Variants in EPC2 observed in about 807,000 individuals in gnomAD.
The protein encoded by EPC2 is enhancer of polycomb homolog 2.
EPC2 carries 14 observed loss-of-function variants against 92.1 expected under a neutral mutation model. The observed-to-expected ratio is 0.15, with a 90% CI of 0.10 to 0.24. The LOEUF (loss-of-function observed/expected upper bound fraction) is 0.24, where lower values mean the gene tolerates loss of function less well. EPC2 is among the 10% of genes least tolerant of loss of function. The probability of loss-of-function intolerance (pLI) is 1.00; values close to 1 mark genes in which losing one functional copy is unlikely to be tolerated. For synonymous variants in EPC2, 340 were observed against 334.7 expected (o/e 1.02, Z -0.17); for missense variants, 755 against 971.5 (o/e 0.78, Z 2.96).
intron 2 of EPC2, among the ~76,000 whole-genome samples, chr2:148,731,958 T>C (rs1682640642): frequency 6.6e-6 from 1 of 152,226 alleles, no homozygotes; most frequent in African/African-American, 2.4e-5. Flanking sequence ...AGTACTGAGC[T>C]CATTGTTCAT....
intron 2 of EPC2, among the ~76,000 whole-genome samples, chr2:148,709,346 G>A (rs1313067704): frequency 6.6e-6 from 1 of 152,088 alleles, no homozygotes; most frequent in African/African-American, 2.4e-5. Context: ...AATAAAAGAG[G>A]ACACAAACAA....
chr2:148,657,673 A>C (rs1457202045), intron 1 of EPC2, among the ~76,000 whole-genome samples: 3 of 151,990 alleles, frequency 2.0e-5, no homozygotes, highest in Non-Finnish European at 2.9e-5. Context: ...AAGTACACTT[A>C]AAAGCTTTAT....
intron 1 of EPC2, among the ~76,000 whole-genome samples, chr2:148,679,856 C>T (rs1681359063): frequency 6.6e-6 from 1 of 152,104 alleles, no homozygotes. Flanking sequence ...CCATGTTGCC[C>T]AGGGTGGTCT....
intron 10 of EPC2, among the ~76,000 whole-genome samples, chr2:148,775,658 A>AAATAAAATTAAATTAAATTTAATTT (rs1553450998): frequency 1.4e-5 from 2 of 138,594 alleles, no homozygotes; most frequent in Non-Finnish European, 3.1e-5. Context: ...TCTTTAAATA[A>AAATAAAATTAAATTAAATTTAATTT]AATTAAATAA....
intron 2 of EPC2, among the ~76,000 whole-genome samples, chr2:148,706,555 C>G (rs1682004583): frequency 6.6e-6 from 1 of 152,074 alleles, no homozygotes; most frequent in Non-Finnish European, 1.5e-5. Flanking sequence ...TCAGATTCAC[C>G]AAGGTTGAAA....
chr2:148,771,891 C>T (rs191464545), intron 10 of EPC2, among the ~76,000 whole-genome samples: 37 of 151,970 alleles, frequency 2.4e-4, no homozygotes, highest in Non-Finnish European at 4.6e-4. Context: ...CTCTGCCTCC[C>T]GGGTTCAAGC....
At chr2:148,763,614 G>C (rs1426020700) in intron 6 of EPC2, among the ~76,000 whole-genome samples, 1 of 152,106 alleles carries the variant, frequency 6.6e-6, no homozygotes, top group African/African-American at 2.4e-5. Flanking sequence ...ATTCTTAAAG[G>C]TCAAGAAAGA....
At chr2:148,763,543 A>G (rs1206723145) in intron 6 of EPC2, among the ~76,000 whole-genome samples, 1 of 152,200 alleles carries the variant, frequency 6.6e-6, no homozygotes, top group Admixed American at 6.5e-5. Context: ...TAAATGACCT[A>G]GGGTGTTTGT....
chr2:148,769,348 T>A, intron 8 of EPC2, 108 bp downstream of exon 8: 1 of 747,420 alleles, frequency 1.3e-6, no homozygotes, highest in East Asian at 2.7e-5. Context: ...ATCAGTACTT[T>A]TTATTTAACA....
intron 11 of EPC2, among the ~76,000 whole-genome samples, 175 bp from the exon 12 acceptor site, chr2:148,783,422 C>T (rs543721046): frequency 2.6e-5 from 4 of 152,208 alleles, no homozygotes; most frequent in East Asian, 1.9e-4. Flanking sequence ...AGTTTTTGTT[C>T]GTTTCCCTGC....
At chr2:148,782,354 T>C (rs1277978972) in intron 11 of EPC2, among the ~76,000 whole-genome samples, 1 of 152,046 alleles carries the variant, frequency 6.6e-6, no homozygotes, top group Non-Finnish European at 1.5e-5. Context: ...CTGGTCAACG[T>C]GGCAAAACCC....
At chr2:148,755,110 T>C (rs1246949734) in intron 4 of EPC2, among the ~76,000 whole-genome samples, 1 of 152,162 alleles carries the variant, frequency 6.6e-6, no homozygotes, top group African/African-American at 2.4e-5. Context: ...AAAAACTCTC[T>C]TCCTGGTTAA....
intron 2 of EPC2, among the ~76,000 whole-genome samples, chr2:148,726,584 C>T (rs192654208): frequency 1.6e-4 from 24 of 151,520 alleles, no homozygotes; most frequent in African/African-American, 4.4e-4. Flanking sequence ...TTTTGTATGC[C>T]GGCCATTTGT....
At chr2:148,666,142 A>T (rs1681052164) in intron 1 of EPC2, among the ~76,000 whole-genome samples, 1 of 152,002 alleles carries the variant, frequency 6.6e-6, no homozygotes, top group Non-Finnish European at 1.5e-5. Flanking sequence ...TGTTGTTTTT[A>T]TTTTTATTTT....
At chr2:148,656,038 G>GGGTT (rs1680791156) in intron 1 of EPC2, among the ~76,000 whole-genome samples, 1 of 62,994 alleles carries the variant, frequency 1.6e-5, no homozygotes, top group Non-Finnish European at 3.0e-5. Context: ...GGGGGGGGGG[G>GGGTT]TTATTCTAGA....
At chr2:148,716,748 G>A (rs1682270226) in intron 2 of EPC2, among the ~76,000 whole-genome samples, 1 of 152,118 alleles carries the variant, frequency 6.6e-6, no homozygotes, top group South Asian at 2.1e-4. Flanking sequence ...GATGATGCAG[G>A]CCTTATGGAA....
At chr2:148,648,414 A>C (rs147801523) in intron 1 of EPC2, among the ~76,000 whole-genome samples, 82 of 152,338 alleles carry the variant, frequency 5.4e-4, no homozygotes, top group Non-Finnish European at 1.0e-3. Flanking sequence ...ACATTTCACA[A>C]ATGTTTTGTG....
chr2:148,745,955 C>T (rs1682977775), intron 3 of EPC2, among the ~76,000 whole-genome samples: 1 of 152,042 alleles, frequency 6.6e-6, no homozygotes. Flanking sequence ...TATTTTCAGT[C>T]CCAATCTGTT....
Position 148,754,768 on chromosome 2 carries a change from G to T in EPC2, c.666+635G>T, listed in dbSNP as rs1683151721. Among the ~76,000 whole-genome samples, 6 of 152,244 alleles carry T rather than the reference G, an allele frequency of 3.9e-5. No individual in the cohort carries two copies. The South Asian group carries it at 1.2e-3, about 32-fold the overall frequency. On this transcript the variant is annotated intron_variant, in intron 4 of 13. Transcript: ENST00000258484. ...TGTTCGATTTCAAATTGATGAGCTT[G>T]TTCCCATCTGGCTTTCAGAAGCAGT...
Sources: gnomAD v4.1 joint callset for allele counts (sites outside exome capture counted in the v4.1 genomes callset) on GRCh38, gnomAD v4.1.1 for gene constraint, MANE v1.5 for transcripts, NCBI Gene and HGNC (gene_info 2026-07-23, HGNC 2026-07-21) for gene names.